Variants in RYR3 observed in about 807,000 individuals in gnomAD.
RYR3 encodes brain ryanodine receptor-calcium release channel.
Under a neutral mutation model 584.3 loss-of-function variants are expected in RYR3, and 207 were observed. The observed-to-expected ratio is 0.35, with a 90% CI of 0.32 to 0.40. The LOEUF (loss-of-function observed/expected upper bound fraction) is 0.40. RYR3 is among the 10% of genes least tolerant of loss of function. The probability of loss-of-function intolerance (pLI) is 1.00; values close to 1 mark genes in which losing one functional copy is unlikely to be tolerated. For synonymous variants in RYR3, 2,416 were observed against 2,248.5 expected, an observed-to-expected ratio of 1.07 and a Z score of -2.11; for missense variants, 5,616 against 6,089.2, an observed-to-expected ratio of 0.92 and a Z score of 2.59.
chr15:33,650,914 A>C (rs1260979017), intron 31 of RYR3, among the ~76,000 whole-genome samples: 1 of 152,234 alleles, frequency 6.6e-6, no homozygotes, highest in African/African-American at 2.4e-5. Context: ...TAGATGCTAT[A>C]AGCAACATCT....
In RYR3 at chr15:33,742,425, A is replaced by G; in HGVS notation, c.7880A>G (p.Asp2627Gly). ...IVTKYAEHSH[D>G]KWACDKSQSG... ...ACCAAGTATGCTGAGCATTCACATGATAAATGGGCCTGTGACAAGGTAGGG... is the reference window on the plus strand; with the variant it reads ...ACCAAGTATGCTGAGCATTCACATGGTAAATGGGCCTGTGACAAGGTAGGG... The change falls in exon 52 of 104, where the codon GAT becomes GGT. Residue 2627 changes from aspartate to glycine, a missense_variant. Asp to Gly is a moderately conservative substitution (Grantham distance 94). Around this residue, in one of 9 missense-constraint regions of RYR3, gnomAD observed 1,280 missense variants for 1,426.2 expected, o/e 0.90. Transcript: ENST00000634891. The G allele has an allele frequency of 6.2e-7, 1 of 1,610,344 alleles. No individual in the cohort carries two copies. Among genetic ancestry groups the G allele is most frequent in the Non-Finnish European group, 8.5e-7 (1 of 1,176,602 alleles).
chr15:33,818,863 CCTGTAATCCCAGCA>C (rs1335539457), intron 76 of RYR3, among the ~76,000 whole-genome samples, 179 bp downstream of exon 76: 1 of 152,228 alleles, frequency 6.6e-6, no homozygotes, highest in Non-Finnish European at 1.5e-5. Context: ...GTGGCTCACG[CCTGTAATCCCAGCA>C]CTTTGGGAAG....
chr15:33,836,797 A>G (rs1654381437), intron 87 of RYR3, 109 bp from the exon 88 acceptor site: 12 of 736,230 alleles, frequency 1.6e-5, no homozygotes, highest in Middle Eastern at 3.6e-4. Flanking sequence ...CTTTCCCGAC[A>G]CTGATGCAGC....
chr15:33,763,372 G>A (rs1282715653), intron 60 of RYR3, among the ~76,000 whole-genome samples: 1 of 151,384 alleles, frequency 6.6e-6, no homozygotes, highest in Non-Finnish European at 1.5e-5. Flanking sequence ...CTATCTGTCT[G>A]ACAAAGGGCT....
At chr15:33,796,837 T>G (rs1336870017) in intron 67 of RYR3, among the ~76,000 whole-genome samples, 1 of 152,216 alleles carries the variant, frequency 6.6e-6, no homozygotes, top group African/African-American at 2.4e-5. Context: ...ACAGCAAAGA[T>G]ATGCCATCAA....
chr15:33,393,473 G>T (rs530337399), intron 1 of RYR3, among the ~76,000 whole-genome samples: 46 of 152,320 alleles, frequency 3.0e-4, no homozygotes, highest in African/African-American at 1.1e-3. Flanking sequence ...ATTCTGGGAA[G>T]AAAGGGAGAA....
intron 17 of RYR3, among the ~76,000 whole-genome samples, 163 bp downstream of exon 17, chr15:33,601,715 T>C (rs375107081): frequency 6.6e-6 from 1 of 152,312 alleles, no homozygotes; most frequent in East Asian, 1.9e-4. Context: ...TTCCTATGAC[T>C]AGGGCCTCCA....
chr15:33,710,184 G>A (rs1170403966), intron 43 of RYR3, among the ~76,000 whole-genome samples: 1 of 152,138 alleles, frequency 6.6e-6, no homozygotes, highest in Non-Finnish European at 1.5e-5. Context: ...CAGTACTGCA[G>A]GCTTTATAGG....
In RYR3 at chr15:33,394,482, G is replaced by T. The variant is rs531995817; in HGVS notation, c.52-78937G>T. 2.6e-5 allele frequency among the ~76,000 whole-genome samples: 4 copies of T among 152,296 alleles called. No individual in the cohort carries two copies. In the South Asian group the frequency reaches 6.2e-4, roughly 24 times the overall value. The stretch of plus-strand genomic sequence containing the variant: ...GATTGGCCCAGACTGTATACCTTTG[G>T]TGTTTAGGTGTGGGAGCAAGGGGTA... On this transcript the variant is annotated intron_variant, in intron 1 of 103. Transcript: ENST00000634891.
intron 16 of RYR3, among the ~76,000 whole-genome samples, chr15:33,591,846 A>G (rs1420506082): frequency 1.3e-5 from 2 of 152,222 alleles, no homozygotes; most frequent in African/African-American, 4.8e-5. Flanking sequence ...GCCATTTCTC[A>G]AATATAGGAC....
At chr15:33,399,827 G>A (rs2042536108) in intron 1 of RYR3, among the ~76,000 whole-genome samples, 1 of 152,052 alleles carries the variant, frequency 6.6e-6, no homozygotes, top group South Asian at 2.1e-4. Context: ...AAATATGTGT[G>A]TATACATATA....
At chr15:33,821,715 T>G in intron 80 of RYR3, 113 bp downstream of exon 80, 1 of 959,186 alleles carries the variant, frequency 1.0e-6, no homozygotes, top group Non-Finnish European at 1.6e-6. Flanking sequence ...CCAGAATCAC[T>G]TAGCTCACGT....
intron 38 of RYR3, among the ~76,000 whole-genome samples, chr15:33,684,896 G>A (rs1271191533): frequency 6.6e-6 from 1 of 152,172 alleles, no homozygotes; most frequent in Non-Finnish European, 1.5e-5. Flanking sequence ...AGGAAATGCT[G>A]AGAGATTTTG....
chr15:33,419,796 G>A (rs1045507544), intron 1 of RYR3, among the ~76,000 whole-genome samples: 1 of 152,182 alleles, frequency 6.6e-6, no homozygotes, highest in Non-Finnish European at 1.5e-5. Context: ...GAAGGAAAAA[G>A]TGATGCAGTG....
chr15:33,604,279 C>G (rs2059806782), intron 18 of RYR3, among the ~76,000 whole-genome samples: 2 of 152,238 alleles, frequency 1.3e-5, no homozygotes, highest in African/African-American at 4.8e-5. Context: ...ATATTTTCTT[C>G]TGTAACTGGT....
intron 100 of RYR3, among the ~76,000 whole-genome samples, chr15:33,860,099 G>A (rs935192432): frequency 6.6e-6 from 1 of 152,182 alleles, no homozygotes; most frequent in Non-Finnish European, 1.5e-5. Flanking sequence ...TGCAGGGGAG[G>A]GGAGGGAAAG....
chr15:33,504,638 C>T (rs1478693196), intron 3 of RYR3, among the ~76,000 whole-genome samples: 2 of 152,166 alleles, frequency 1.3e-5, no homozygotes, highest in African/African-American at 4.8e-5. Flanking sequence ...TTTGTCTTCC[C>T]ATTATTTTGA....
intron 87 of RYR3, among the ~76,000 whole-genome samples, chr15:33,835,476 T>TCCTC (rs1227420930): frequency 1.3e-5 from 2 of 152,108 alleles, no homozygotes; most frequent in African/African-American, 4.8e-5. Flanking sequence ...TCCTGCTTCC[T>TCCTC]CCTCCCTCCC....
intron 94 of RYR3, chr15:33,850,921 G>GT: frequency 6.6e-6 from 1 of 151,950 alleles, no homozygotes; most frequent in East Asian, 1.9e-4. Context: ...CTGCCTTATA[G>GT]TTTTCCCACT....
Sources: gnomAD v4.1 joint callset for allele counts (sites outside exome capture counted in the v4.1 genomes callset) on GRCh38, gnomAD v4.1.1 for gene constraint, gnomAD v4.1.1 regional missense constraint, MANE v1.5 for transcripts, NCBI Gene and HGNC (gene_info 2026-07-23, HGNC 2026-07-21) for gene names.